The following EDIL3 variants were observed in gnomAD, a reference collection of about 807,000 sequenced individuals.
EDIL3 encodes EGF-like repeat and discoidin I-like domain-containing protein 3.
Under a neutral mutation model 67.4 loss-of-function variants are expected in EDIL3, and 37 were observed. That is an observed-to-expected ratio of 0.55 (90% CI 0.42 to 0.72). The LOEUF is 0.72. Among genes scored for constraint, EDIL3 ranks in the 30% least tolerant of loss-of-function variants. EDIL3 has a pLI of 0.00. For missense variants in EDIL3, 527 were observed against 586.3 expected, an observed-to-expected ratio of 0.90 and a Z score of 1.04; for synonymous variants, 195 against 196.3, an observed-to-expected ratio of 0.99 and a Z score of 0.05.
intron 1 of EDIL3, among the ~76,000 whole-genome samples, chr5:84,297,644 G>A (rs1746077225): frequency 6.6e-6 from 1 of 152,154 alleles, no homozygotes; most frequent in African/African-American, 2.4e-5. Flanking sequence ...AGGCTGAGAA[G>A]CCCCCGAGCT....
intron 5 of EDIL3, among the ~76,000 whole-genome samples, chr5:84,130,815 T>C (rs184911885): frequency 6.6e-6 from 1 of 152,228 alleles, no homozygotes; most frequent in African/African-American, 2.4e-5. Context: ...ATAAATCAAA[T>C]TGGGTATTTG....
chr5:84,261,331 A>G (rs1339114371), intron 1 of EDIL3, among the ~76,000 whole-genome samples: 2 of 152,218 alleles, frequency 1.3e-5, no homozygotes, highest in Non-Finnish European at 2.9e-5. Flanking sequence ...AATCAACAAT[A>G]GCCTCACAAT....
intron 1 of EDIL3, among the ~76,000 whole-genome samples, chr5:84,316,958 A>T (rs1008473832): frequency 4.6e-5 from 7 of 152,162 alleles, no homozygotes; most frequent in African/African-American, 1.7e-4. Flanking sequence ...TAAGAAACTC[A>T]CTCAAAACCG....
chr5:84,380,288 AAC>A (rs1748048502), intron 1 of EDIL3, among the ~76,000 whole-genome samples: 1 of 151,366 alleles, frequency 6.6e-6, no homozygotes, highest in African/African-American at 2.4e-5. Flanking sequence ...TCTTCCTTAA[AAC>A]ACAGAGAAGA....
At chr5:84,250,573 T>C (rs1161268008) in intron 2 of EDIL3, among the ~76,000 whole-genome samples, 6 of 152,144 alleles carry the variant, frequency 3.9e-5, no homozygotes, top group Non-Finnish European at 7.4e-5. Context: ...TCGCTTGAAA[T>C]AAATATCAAC....
intron 1 of EDIL3, among the ~76,000 whole-genome samples, chr5:84,303,847 TG>T (rs1161491535): frequency 0.011 from 1,579 of 146,318 alleles, 24 homozygotes; most frequent in African/African-American, 0.039. Flanking sequence ...TGTGTGTGTG[TG>T]TTTGTGTGTG....
intron 1 of EDIL3, among the ~76,000 whole-genome samples, chr5:84,374,270 T>TA (rs770824417): frequency 1.4e-5 from 2 of 145,954 alleles, no homozygotes; most frequent in African/African-American, 5.1e-5. Flanking sequence ...AAGAAAGGAG[T>TA]AAAAAATAAG....
At chr5:84,237,228 C>T (rs1744699319) in intron 2 of EDIL3, among the ~76,000 whole-genome samples, 1 of 152,074 alleles carries the variant, frequency 6.6e-6, no homozygotes, top group Admixed American at 6.6e-5. Flanking sequence ...ATGAGCTAAT[C>T]TAAAAAGCAA....
chr5:84,231,879 C>T (rs1744586890), intron 2 of EDIL3, among the ~76,000 whole-genome samples: 1 of 151,672 alleles, frequency 6.6e-6, no homozygotes, highest in Non-Finnish European at 1.5e-5. Flanking sequence ...TCTAGAGATT[C>T]AAAAGAAAAA....
intron 1 of EDIL3, among the ~76,000 whole-genome samples, chr5:84,330,859 T>C (rs1380937497): frequency 6.6e-6 from 1 of 152,116 alleles, no homozygotes; most frequent in Non-Finnish European, 1.5e-5. Context: ...TAGGAAAGGG[T>C]TGGCACTCCA....
intron 5 of EDIL3, among the ~76,000 whole-genome samples, chr5:84,123,780 A>C (rs909538122): frequency 2.4e-4 from 37 of 151,910 alleles, no homozygotes; most frequent in Non-Finnish European, 3.4e-4. Context: ...CCAGCTCCTA[A>C]AATTTCAAAA....
At chr5:84,091,357 T>C (rs1263704644) in intron 6 of EDIL3, among the ~76,000 whole-genome samples, 1 of 152,200 alleles carries the variant, frequency 6.6e-6, no homozygotes. Flanking sequence ...ATCTTAAAGC[T>C]AATACATAAC....
intron 9 of EDIL3, among the ~76,000 whole-genome samples, chr5:83,991,069 AC>A (rs1333607547): frequency 6.6e-6 from 1 of 152,172 alleles, no homozygotes; most frequent in Non-Finnish European, 1.5e-5. Flanking sequence ...TCTTTAGGGT[AC>A]AAAGTAATTT....
intron 5 of EDIL3, among the ~76,000 whole-genome samples, chr5:84,122,795 C>T (rs543139306): frequency 3.9e-5 from 6 of 151,968 alleles, no homozygotes; most frequent in East Asian, 3.9e-4. Context: ...GTTGTTCTGC[C>T]GTGGTTGGAC....
chr5:84,137,700 C>T (rs1434008866), intron 4 of EDIL3, among the ~76,000 whole-genome samples: 1 of 152,118 alleles, frequency 6.6e-6, no homozygotes, highest in Non-Finnish European at 1.5e-5. Flanking sequence ...GAATTGGTTT[C>T]ACTTACAAGA....
chr5:84,298,746 G>C (rs1186364231), intron 1 of EDIL3, among the ~76,000 whole-genome samples: 2 of 152,174 alleles, frequency 1.3e-5, no homozygotes, highest in East Asian at 3.8e-4. Context: ...TATTGTGAAA[G>C]CGATGTCACA....
chr5:84,033,457 C>A (rs1439112028), intron 9 of EDIL3, among the ~76,000 whole-genome samples: 1 of 152,012 alleles, frequency 6.6e-6, no homozygotes, highest in Non-Finnish European at 1.5e-5. Context: ...TGCCTGTAAT[C>A]CCAGCATTTT....
intron 1 of EDIL3, among the ~76,000 whole-genome samples, chr5:84,324,150 T>C (rs1397475283): frequency 7.9e-5 from 12 of 151,942 alleles, no homozygotes; most frequent in Non-Finnish European, 1.8e-4. Flanking sequence ...ATTTTCAGGA[T>C]AGACCATATG....
intron 5 of EDIL3, among the ~76,000 whole-genome samples, chr5:84,113,034 C>T (rs1322156827): frequency 1.3e-5 from 2 of 152,026 alleles, no homozygotes; most frequent in African/African-American, 4.8e-5. Context: ...CACTTGTTTA[C>T]TATTTAAAAA....
Sources: allele counts gnomAD v4.1 joint callset (sites outside exome capture counted in the v4.1 genomes callset), GRCh38; gene constraint gnomAD v4.1.1; transcripts MANE v1.5; gene names NCBI Gene and HGNC (gene_info 2026-07-23, HGNC 2026-07-21).